VEPH1: variants seen among roughly 807,000 people sequenced by gnomAD.
VEPH1 encodes ventricular zone expressed PH domain containing 1.
A neutral mutation model predicts 85.2 loss-of-function variants in VEPH1; 80 were observed. The observed-to-expected ratio is 0.94, with a 90% CI of 0.78 to 1.13. The LOEUF (loss-of-function observed/expected upper bound fraction) is 1.13. Ranked by LOEUF, VEPH1 falls within the 50% of genes most tolerant of loss-of-function variation. The pLI is 0.00. For missense variants in VEPH1, 955 were observed against 980.5 expected (o/e 0.97, Z 0.35); for synonymous variants, 297 against 348.0 (o/e 0.85, Z 1.63).
chr3:157,387,056 CTTG>C (rs1233495083), intron 6 of VEPH1, among the ~76,000 whole-genome samples: 1 of 152,084 alleles, frequency 6.6e-6, no homozygotes, highest in Non-Finnish European at 1.5e-5. Context: ...CAGATGGTCT[CTTG>C]TTGTGGGAAA....
intron 11 of VEPH1, among the ~76,000 whole-genome samples, chr3:157,295,709 T>A (rs1406221223): frequency 6.6e-6 from 1 of 152,098 alleles, no homozygotes; most frequent in Non-Finnish European, 1.5e-5. Flanking sequence ...AATCCCAGCA[T>A]GTTGGGAGGC....
chr3:157,262,633 A>G (rs571992825), intron 13 of VEPH1, among the ~76,000 whole-genome samples: 4 of 152,312 alleles, frequency 2.6e-5, no homozygotes, highest in African/African-American at 9.6e-5. Context: ...CTGCTATGGT[A>G]TTTTAATCCA....
chr3:157,364,231 T>C (rs1012930846), intron 8 of VEPH1, 72 bp downstream of exon 8: 1 of 1,242,896 alleles, frequency 8.0e-7, no homozygotes, highest in South Asian at 1.4e-5. Flanking sequence ...AAACACCCCA[T>C]AACAGAGTGA....
chr3:157,302,439 G>T (rs1718910443), intron 11 of VEPH1, among the ~76,000 whole-genome samples: 1 of 152,142 alleles, frequency 6.6e-6, no homozygotes, highest in Admixed American at 6.5e-5. Flanking sequence ...CCTTTGGGAG[G>T]TATTAAGTCT....
chr3:157,414,759 A>G (rs1301832460), intron 5 of VEPH1, among the ~76,000 whole-genome samples: 2 of 152,194 alleles, frequency 1.3e-5, no homozygotes, highest in Non-Finnish European at 2.9e-5. Context: ...TACATCACAT[A>G]TTGATAATTT....
In VEPH1 at chr3:157,262,455, A is replaced by G. The variant is rs1334792860; in HGVS notation, c.2266-1085T>C. Reference sequence around the variant, plus strand: ...AAGGAATTTAAACAATTAAATTTCAATTTATACATATAGTTTTACTCAGTG... The same window carrying G: ...AAGGAATTTAAACAATTAAATTTCAGTTTATACATATAGTTTTACTCAGTG... On this transcript the variant is annotated intron_variant, in intron 13 of 13. Coordinates refer to ENST00000362010, the MANE Select transcript of VEPH1 (RefSeq NM_001167912.2). 2.0e-5 allele frequency among the ~76,000 whole-genome samples: 3 copies of G among 152,286 alleles called. No individual in the cohort carries two copies. In the East Asian group the frequency reaches 5.8e-4, roughly 29 times the overall value.
intron 9 of VEPH1, among the ~76,000 whole-genome samples, chr3:157,326,367 A>G (rs1721906144): frequency 2.0e-5 from 3 of 152,190 alleles, no homozygotes; most frequent in Non-Finnish European, 4.4e-5. Context: ...GATAGAGTAG[A>G]TATTCAACAG....
chr3:157,411,839 C>T (rs1353089771), intron 6 of VEPH1, among the ~76,000 whole-genome samples: 1 of 152,160 alleles, frequency 6.6e-6, no homozygotes, highest in Non-Finnish European at 1.5e-5. Flanking sequence ...GAGAGTCATA[C>T]AAGTGTCACC....
intron 3 of VEPH1, among the ~76,000 whole-genome samples, chr3:157,469,530 G>A (rs1047526704): frequency 3.9e-5 from 6 of 152,146 alleles, no homozygotes; most frequent in African/African-American, 9.7e-5. Context: ...AGGTTAACCA[G>A]CTTTCTTTAT....
At chr3:157,437,737 G>T (rs759937518) in intron 4 of VEPH1, 9 of 1,503,686 alleles carry the variant, frequency 6.0e-6, no homozygotes, top group East Asian at 5.4e-5. Flanking sequence ...TGCTCTGGAC[G>T]AGCTGCTGCA....
intron 11 of VEPH1, among the ~76,000 whole-genome samples, chr3:157,299,577 A>AAG (rs1553760173): frequency 5.1e-4 from 73 of 142,672 alleles, no homozygotes; most frequent in Non-Finnish European, 1.1e-3. Context: ...AAAAAAAAAA[A>AAG]AAAGAAAGAA....
intron 6 of VEPH1, among the ~76,000 whole-genome samples, chr3:157,389,049 G>A (rs1303466727): frequency 6.6e-6 from 1 of 152,090 alleles, no homozygotes; most frequent in East Asian, 1.9e-4. Context: ...GCTTCTAGAG[G>A]AAATTCAGGG....
intron 11 of VEPH1, among the ~76,000 whole-genome samples, chr3:157,292,036 A>T (rs1296880155): frequency 6.6e-6 from 1 of 152,240 alleles, no homozygotes; most frequent in African/African-American, 2.4e-5. Context: ...TAATAATTGA[A>T]CAATGATGTT....
At chr3:157,340,874 G>A (rs1577381071) in intron 9 of VEPH1, among the ~76,000 whole-genome samples, 3 of 152,206 alleles carry the variant, frequency 2.0e-5, no homozygotes, top group Non-Finnish European at 2.9e-5. Flanking sequence ...AGCAATATTC[G>A]TTGTTCTGCA....
In VEPH1 at chr3:157,268,220, G is replaced by A. The variant is rs147870403; in HGVS notation, c.2129-2558C>T. ...AGAGACTTCAGTTAAAGTGCTTAGG[G>A]CACTGTGTCTCCCCACTGGGTTATG... On this transcript the variant is annotated intron_variant, in intron 12 of 13. Coordinates refer to ENST00000362010, the MANE Select transcript of VEPH1 (RefSeq NM_001167912.2). Among the ~76,000 whole-genome samples, 940 of 152,244 alleles carry A rather than the reference G, an allele frequency of 6.2e-3. 21 individuals are homozygous for A. The highest frequency in any genetic ancestry group is 0.022 in the African/African-American group (906 of 41,530).
chr3:157,394,181 A>C (rs1279763007), intron 6 of VEPH1, among the ~76,000 whole-genome samples: 1 of 152,240 alleles, frequency 6.6e-6, no homozygotes, highest in Non-Finnish European at 1.5e-5. Flanking sequence ...CGACTGTTCA[A>C]AATGTCAATA....
intron 11 of VEPH1, among the ~76,000 whole-genome samples, chr3:157,311,475 G>A (rs970582535): frequency 2.6e-5 from 4 of 151,970 alleles, no homozygotes; most frequent in Non-Finnish European, 5.9e-5. Context: ...CAAAAAAATC[G>A]GAAAAAATCT....
intron 9 of VEPH1, among the ~76,000 whole-genome samples, chr3:157,333,119 C>T (rs1722655607): frequency 6.6e-6 from 1 of 152,120 alleles, no homozygotes; most frequent in South Asian, 2.1e-4. Flanking sequence ...AGTAATACTT[C>T]CCAAAGTAGG....
chr3:157,300,542 T>C (rs182894532), intron 11 of VEPH1, among the ~76,000 whole-genome samples: 2 of 152,206 alleles, frequency 1.3e-5, no homozygotes, highest in African/African-American at 4.8e-5. Flanking sequence ...AAAAAGCATA[T>C]GTATAGTATA....
Sources: gnomAD v4.1 joint callset for allele counts (sites outside exome capture counted in the v4.1 genomes callset) on GRCh38, gnomAD v4.1.1 for gene constraint, MANE v1.5 for transcripts, NCBI Gene and HGNC (gene_info 2026-07-23, HGNC 2026-07-21) for gene names.